SLC9C2: variants seen among roughly 807,000 people sequenced by gnomAD.
SLC9C2 encodes the protein sodium/hydrogen exchanger 11.
SLC9C2 carries 75 observed loss-of-function variants against 140.2 expected under a neutral mutation model. The ratio of observed to expected loss-of-function variants is 0.53; its 90% CI spans 0.44 to 0.65. The LOEUF (loss-of-function observed/expected upper bound fraction) is 0.65. Ranked by LOEUF, SLC9C2 falls within the 30% of genes least tolerant of loss-of-function variation. The probability of loss-of-function intolerance (pLI) is 0.00; values close to 1 mark genes in which losing one functional copy is unlikely to be tolerated. For synonymous variants in SLC9C2, 375 were observed against 420.9 expected, an observed-to-expected ratio of 0.89 and a Z score of 1.34; for missense variants, 1,074 against 1,331.8, an observed-to-expected ratio of 0.81 and a Z score of 3.01.
intron 24 of SLC9C2, 57 bp downstream of exon 24, chr1:173,509,511 G>A (rs984572410): frequency 1.5e-6 from 2 of 1,367,014 alleles, no homozygotes; most frequent in Non-Finnish European, 1.9e-6. Flanking sequence ...AATGCATTTT[G>A]TAAAAAATAC....
intron 10 of SLC9C2, among the ~76,000 whole-genome samples, chr1:173,556,496 A>G (rs528235427): frequency 6.6e-6 from 1 of 152,364 alleles, no homozygotes; most frequent in South Asian, 2.1e-4. Flanking sequence ...ATGTAAAAAT[A>G]TATAAAATCT....
At chr1:173,558,911 C>T (rs1049394694) in intron 9 of SLC9C2, among the ~76,000 whole-genome samples, 8 of 152,224 alleles carry the variant, frequency 5.3e-5, no homozygotes, top group Non-Finnish European at 1.0e-4. Flanking sequence ...ATCTCTGGCA[C>T]TCACTAGCCA....
rs981433918 is a variant in SLC9C2 at position 173,603,006 on chromosome 1, G to A, written c.-335C>T. 4.6e-5 allele frequency: 7 copies of A among 152,118 alleles called. No individual in the cohort carries two copies. The highest frequency in any genetic ancestry group is 1.7e-4 in the African/African-American group (7 of 41,410). The allele number at this position is 152,118 out of a possible 1,614,324, so 9.4% of individuals were successfully genotyped here. A position where few individuals can be genotyped will look rare whatever the true frequency, so the allele number is the denominator to read the frequency against. On this transcript the variant is annotated 5_prime_UTR_variant, in exon 1 of 28. Transcript: ENST00000367714. ...GCTTTAAAGTTGAAATTGAGATGAA[G>A]GCTCTCAAAATCCCAAAGAACAATG...
At chr1:173,560,256 C>T (rs1664015025) in intron 9 of SLC9C2, among the ~76,000 whole-genome samples, 1 of 152,146 alleles carries the variant, frequency 6.6e-6, no homozygotes, top group African/African-American at 2.4e-5. Flanking sequence ...AACACCACTC[C>T]TTTTATAGTG....
chr1:173,563,375 C>G (rs79617126), intron 9 of SLC9C2, among the ~76,000 whole-genome samples: 198 of 152,162 alleles, frequency 1.3e-3, no homozygotes, highest in Middle Eastern at 6.8e-3. Flanking sequence ...CATATTTCTT[C>G]TTTTATGAAC....
intron 12 of SLC9C2, among the ~76,000 whole-genome samples, chr1:173,548,050 T>C (rs966376648): frequency 6.6e-6 from 1 of 152,242 alleles, no homozygotes; most frequent in Admixed American, 6.5e-5. Flanking sequence ...AATCAGCCCA[T>C]GTTTTCTGCT....
chr1:173,558,407 A>G lies in SLC9C2; in HGVS notation c.1047-899T>C, dbSNP rs1205754982. ...AGTCCAACCAAAATAGAAACAACTT[A>G]TGTCATTTCCTGATATCAAAAACAG... On this transcript the variant is annotated intron_variant, in intron 9 of 27. Transcript: ENST00000367714. Among the ~76,000 whole-genome samples the G allele has an allele frequency of 3.3e-5, 5 of 152,320 alleles. No homozygotes were observed. In the East Asian group the frequency reaches 9.6e-4, roughly 29 times the overall value.
At chr1:173,571,170 G>A (rs931934806) in intron 9 of SLC9C2, among the ~76,000 whole-genome samples, 21 of 152,130 alleles carry the variant, frequency 1.4e-4, no homozygotes, top group Non-Finnish European at 2.1e-4. Flanking sequence ...AAAATGCCCT[G>A]ACTTTATTCC....
intron 10 of SLC9C2, among the ~76,000 whole-genome samples, chr1:173,555,910 A>T (rs1021164851): frequency 5.3e-5 from 8 of 152,196 alleles, no homozygotes; most frequent in Admixed American, 5.2e-4. Flanking sequence ...CTTTGATTGG[A>T]TTTCTCCACA....
intron 10 of SLC9C2, chr1:173,555,331 G>A (rs934717135): frequency 1.3e-5 from 2 of 152,498 alleles, no homozygotes; most frequent in African/African-American, 4.8e-5. Context: ...AATATTTGTA[G>A]GCCATGACTT....
chr1:173,566,352 C>A (rs1664474433), intron 9 of SLC9C2, among the ~76,000 whole-genome samples: 1 of 151,984 alleles, frequency 6.6e-6, no homozygotes, highest in Non-Finnish European at 1.5e-5. Context: ...CAGTTTTGAT[C>A]TCATTACTTG....
chr1:173,539,023 A>G (rs1662182940), intron 13 of SLC9C2, among the ~76,000 whole-genome samples: 1 of 152,226 alleles, frequency 6.6e-6, no homozygotes, highest in African/African-American at 2.4e-5. Flanking sequence ...ATCTCAATGT[A>G]TATCAGCATA....
At position 173,521,386 on chromosome 1, in the gene SLC9C2, A is replaced by T. The variant is rs151318411; in HGVS notation, c.2654T>A (p.Leu885His). 5.7e-5 allele frequency: 86 copies of T among 1,515,634 alleles called. No individual in the cohort carries two copies. Among genetic ancestry groups the T allele is most frequent in the Non-Finnish European group, 6.8e-5 (77 of 1,138,858 alleles). 93.9% of individuals were successfully genotyped at this position (1,515,634 alleles called of 1,614,324 possible). A position where few individuals can be genotyped will look rare whatever the true frequency, so the allele number is the denominator to read the frequency against. ...LIDFFKERAK[L>H]ACFDSGDTIC... is the part of the protein sequence containing the mutation. ...GGTATCTCCAGAGTCAAAACAGGCA[A>T]GTTTGGCTCTTTCCTGAGTGGGAAA... Residue 885 changes from leucine to histidine, a missense_variant, in exon 22 of 28, where the codon CTT becomes CAT. Coordinates refer to ENST00000367714, the MANE Select transcript of SLC9C2 (RefSeq NM_178527.4).
intron 4 of SLC9C2, 98 bp from the exon 5 acceptor site, chr1:173,587,928 T>A (rs1007605471): frequency 1.1e-6 from 1 of 897,270 alleles, no homozygotes. Context: ...GTTGTAAATG[T>A]TATACAATTA....
At chr1:173,592,168 G>C (rs771887488) in intron 4 of SLC9C2, among the ~76,000 whole-genome samples, 6 of 152,170 alleles carry the variant, frequency 3.9e-5, no homozygotes, top group Non-Finnish European at 7.3e-5. Context: ...TTGAAGATCA[G>C]ACGGTTTTAG....
At chr1:173,532,070 T>G (rs1419402122) in intron 17 of SLC9C2, among the ~76,000 whole-genome samples, 1 of 152,184 alleles carries the variant, frequency 6.6e-6, no homozygotes, top group African/African-American at 2.4e-5. Flanking sequence ...GTAATTCTTA[T>G]GAACACTAAA....
At chr1:173,513,587 T>A (rs1660200692) in intron 23 of SLC9C2, among the ~76,000 whole-genome samples, 1 of 152,212 alleles carries the variant, frequency 6.6e-6, no homozygotes, top group East Asian at 1.9e-4. Context: ...TTTTGTTAAT[T>A]TTTTCAAAAA....
At chr1:173,575,839 A>G (rs377017813) in intron 8 of SLC9C2, among the ~76,000 whole-genome samples, 3 of 152,072 alleles carry the variant, frequency 2.0e-5, no homozygotes, top group African/African-American at 7.2e-5. Context: ...CGGCCTCCCA[A>G]AGTGCTGGGA....
intron 7 of SLC9C2, 48 bp downstream of exon 7, chr1:173,581,799 T>C (rs780373154): frequency 1.4e-6 from 2 of 1,421,818 alleles, no homozygotes; most frequent in Admixed American, 2.3e-5. Flanking sequence ...TAAACATGTA[T>C]AAAACTTACT....
Sources: gnomAD v4.1 joint callset for allele counts (sites outside exome capture counted in the v4.1 genomes callset) on GRCh38, gnomAD v4.1.1 for gene constraint, MANE v1.5 for transcripts, NCBI Gene and HGNC (gene_info 2026-07-23, HGNC 2026-07-21) for gene names.